CASP10: variants seen among roughly 807,000 people sequenced by gnomAD.
CASP10 encodes the protein caspase 10, also known as caspase-10.
Under a neutral mutation model 48.5 loss-of-function variants are expected in CASP10, and 41 were observed. The observed-to-expected ratio is 0.85, with a 90% confidence interval of 0.66 to 1.10. CASP10 has a LOEUF of 1.10. Ranked by LOEUF, CASP10 falls within the 50% of genes least tolerant of loss-of-function variation. The pLI is 0.00. For missense variants in CASP10, 614 were observed against 614.5 expected, an observed-to-expected ratio of 1.00 and a Z score of 0.01; for synonymous variants, 232 against 238.4, an observed-to-expected ratio of 0.97 and a Z score of 0.25.
At chr2:201,193,626 G>T (rs1944689777) in intron 4 of CASP10, among the ~76,000 whole-genome samples, 1 of 152,220 alleles carries the variant, frequency 6.6e-6, no homozygotes, top group African/African-American at 2.4e-5. Context: ...CACTGTTTTA[G>T]AAGTTGAGGA....
chr2:201,203,898 C>A (rs762363640), intron 6 of CASP10, 132 bp downstream of exon 6: 2 of 783,020 alleles, frequency 2.6e-6, no homozygotes, highest in African/African-American at 1.7e-5. Flanking sequence ...ATTTTTTATT[C>A]CAATTCAAGG....
intron 7 of CASP10, chr2:201,206,275 C>A: frequency 4.2e-6 from 1 of 238,060 alleles, no homozygotes; most frequent in African/African-American, 2.3e-5. Flanking sequence ...TTTTCTTATC[C>A]ATTGAAGCCA....
At chr2:201,215,217 T>G (rs1336206740) in intron 9 of CASP10, among the ~76,000 whole-genome samples, 2 of 138,402 alleles carry the variant, frequency 1.4e-5, no homozygotes, top group Admixed American at 1.4e-4. Flanking sequence ...CTCGGTTTTT[T>G]TTTTTTTTTT....
intron 9 of CASP10, among the ~76,000 whole-genome samples, chr2:201,228,673 C>T (rs1170100055): frequency 6.6e-6 from 1 of 152,200 alleles, no homozygotes; most frequent in African/African-American, 2.4e-5. Flanking sequence ...CTTGAGTTAT[C>T]ATCTTGAAAC....
intron 9 of CASP10, among the ~76,000 whole-genome samples, chr2:201,209,802 T>C (rs1163458209): frequency 6.6e-6 from 1 of 151,954 alleles, no homozygotes; most frequent in South Asian, 2.1e-4. Flanking sequence ...CATCCATCCA[T>C]CCAGCAACCT....
intron 5 of CASP10, chr2:201,200,323 T>C (rs1408251647): frequency 5.9e-6 from 5 of 847,278 alleles, no homozygotes; most frequent in African/African-American, 1.7e-5. Context: ...GATTCTTGTG[T>C]GATCCAGCAT....
chr2:201,197,049 T>A (rs796310113), intron 5 of CASP10, among the ~76,000 whole-genome samples: 1 of 152,178 alleles, frequency 6.6e-6, no homozygotes, highest in South Asian at 2.1e-4. Context: ...TATTCCACTG[T>A]GTGTATATAC....
At chr2:201,184,554 C>G (rs1944343804) in intron 1 of CASP10, among the ~76,000 whole-genome samples, 1 of 152,174 alleles carries the variant, frequency 6.6e-6, no homozygotes, top group South Asian at 2.1e-4. Flanking sequence ...GAACTCCTGG[C>G]CTCAAGTGAT....
intron 3 of CASP10, among the ~76,000 whole-genome samples, chr2:201,191,786 A>T (rs1386156501): frequency 6.6e-6 from 1 of 152,210 alleles, no homozygotes; most frequent in East Asian, 1.9e-4. Context: ...TGGCCTACAC[A>T]TATCCTGAGA....
At chr2:201,226,746 G>A (rs887357598) in intron 9 of CASP10, among the ~76,000 whole-genome samples, 1 of 152,056 alleles carries the variant, frequency 6.6e-6, no homozygotes, top group Non-Finnish European at 1.5e-5. Flanking sequence ...TCAAGAGGAG[G>A]ATAGATAAAT....
intron 5 of CASP10, 54 bp downstream of exon 5, chr2:201,196,002 C>A: frequency 1.7e-6 from 2 of 1,191,392 alleles, no homozygotes; most frequent in Non-Finnish European, 1.3e-6. Context: ...ACCCTCCAAC[C>A]TCCCCTCCCT....
intron 5 of CASP10, among the ~76,000 whole-genome samples, chr2:201,198,762 A>G (rs887913290): frequency 4.0e-5 from 6 of 150,734 alleles, no homozygotes; most frequent in Non-Finnish European, 8.9e-5. Flanking sequence ...GGATGGTCTC[A>G]ATCTCCTGAC....
At chr2:201,195,985 C>A (rs113038818) in intron 5 of CASP10, 37 bp downstream of exon 5, 1 of 1,402,988 alleles carries the variant, frequency 7.1e-7, no homozygotes, top group South Asian at 1.2e-5. Flanking sequence ...GCTTAACAAC[C>A]GGCTCCACCC....
At chr2:201,223,758 AT>A (rs1391205336), downstream of CASP10, among the ~76,000 whole-genome samples, 1 of 152,152 alleles carries the variant, frequency 6.6e-6, no homozygotes, top group Non-Finnish European at 1.5e-5. Flanking sequence ...ACACATTTGT[AT>A]CTTTGAATTT....
Position 201,209,222 on chromosome 2 carries a change from G to A in CASP10, c.1075G>A (p.Gly359Arg). The A allele has an allele frequency of 6.2e-7, 1 of 1,614,130 alleles. No individual in the cohort carries two copies. Among genetic ancestry groups the A allele is most frequent in the Non-Finnish European group, 8.5e-7 (1 of 1,180,028 alleles). The change falls in exon 9 of 10, where the codon GGG (glycine) becomes AGG (arginine). Residue 359 changes from glycine to arginine, a missense_variant. Transcript: ENST00000286186. ...CTTCGTGTTCTGTATTCTGACCCAT[G>A]GGAGATTTGGAGCTGTCTACTCTTC... ...DCFVFCILTH[G>R]RFGAVYSSDE...
At chr2:201,226,383 T>C (rs1203706660), downstream of CASP10, among the ~76,000 whole-genome samples, 1 of 152,212 alleles carries the variant, frequency 6.6e-6, no homozygotes, top group Non-Finnish European at 1.5e-5. Flanking sequence ...GACACAATCA[T>C]TTTAGAGAGC....
rs1260219605 is a variant in CASP10 at position 201,185,787 on chromosome 2, C to T, written c.10C>T (p.Gln4Ter). Residue 4 changes from glutamine to a stop codon, truncating the protein, a stop_gained, in exon 2 of 10, where the codon CAA becomes TAA. Coordinates refer to ENST00000286186, the MANE Select transcript of CASP10 (RefSeq NM_032977.4). LOFTEE classifies it high-confidence loss of function. ...CCCTTTCAGGCTGGCCATGAAATCT[C>T]AAGGTCAACATTGGTATTCCAGTTC... is the stretch of plus-strand genomic sequence containing the variant. MKS[Q>*]GQHWYSSSDK... is the part of the protein sequence containing the mutation. The T allele has an allele frequency of 1.9e-6, 3 of 1,613,184 alleles. No homozygotes were observed. Among genetic ancestry groups the T allele is most frequent in the Non-Finnish European group, 2.5e-6 (3 of 1,179,168 alleles).
chr2:201,221,055 G>C lies in CASP10; in HGVS notation c.*3314G>C, dbSNP rs1178570176. 3.0e-6 allele frequency: 3 copies of C among 985,306 alleles called. No individual in the cohort carries two copies. The Admixed American group carries it at 1.8e-4, about 61-fold the overall frequency. The allele number at this position is 985,306 out of a possible 1,614,324, so 61.0% of individuals were successfully genotyped here. Reference sequence around the variant, plus strand: ...GCATCTATTTAAATCTAACTGTGCTGAGGTGCATATAAATGCCTTTAGGTG... The same window carrying C: ...GCATCTATTTAAATCTAACTGTGCTCAGGTGCATATAAATGCCTTTAGGTG... On this transcript the variant is annotated 3_prime_UTR_variant, in exon 10 of 10. Transcript: ENST00000286186.
At position 201,221,227 on chromosome 2, in the gene CASP10, T is replaced by C; in HGVS notation, c.*3486T>C. 2.0e-6 allele frequency: 2 copies of C among 985,472 alleles called. No homozygotes were observed. The highest frequency in any genetic ancestry group is 2.4e-6 in the Non-Finnish European group (2 of 829,962). The allele number at this position is 985,472 out of a possible 1,614,324, so 61.0% of individuals were successfully genotyped here. On this transcript the variant is annotated 3_prime_UTR_variant, in exon 10 of 10. Transcript: ENST00000286186. Reference sequence around the variant, plus strand: ...AAGATCTAATTCTTCCCTCACTGGTTCGTGATGTCTACCGCAGCAGAAGGC... The same window carrying C: ...AAGATCTAATTCTTCCCTCACTGGTCCGTGATGTCTACCGCAGCAGAAGGC...
Sources: gnomAD v4.1 joint callset for allele counts (sites outside exome capture counted in the v4.1 genomes callset) on GRCh38, gnomAD v4.1.1 for gene constraint, MANE v1.5 for transcripts, NCBI Gene and HGNC (gene_info 2026-07-23, HGNC 2026-07-21) for gene names.